RTN3: variants seen among roughly 807,000 people sequenced by gnomAD.
RTN3 encodes reticulon 3.
RTN3 carries 49 observed loss-of-function variants against 77.8 expected under a neutral mutation model. That is an observed-to-expected ratio of 0.63 (90% CI 0.50 to 0.80). The LOEUF is 0.80. Ranked by LOEUF, RTN3 falls within the 30% of genes least tolerant of loss-of-function variation. The pLI, the probability that RTN3 is intolerant of heterozygous loss-of-function variation, is 0.00. For missense variants in RTN3, 1,236 were observed against 1,211.9 expected (o/e 1.02, Z -0.29); for synonymous variants, 464 against 446.9 (o/e 1.04, Z -0.48).
In RTN3 at chr11:63,718,968, C is replaced by G. The variant is rs369715649; in HGVS notation, c.466C>G (p.Pro156Ala). The G allele has an allele frequency of 1.2e-5, 19 of 1,614,044 alleles. No individual in the cohort carries two copies. The highest frequency in any genetic ancestry group is 1.6e-5 in the Non-Finnish European group (19 of 1,180,036). ...TGCAGCAGGAGTTCATTGTGACCGT[C>G]CTTCTATTCCAGCCAGTTTCCCAGA... ...SLAAGVHCDRPSIPASFPEHP... is the reference protein window; with the variant it reads ...SLAAGVHCDRASIPASFPEHP... The change falls in exon 3 of 9, where the codon CCT becomes GCT. Residue 156 changes from proline to alanine, a missense_variant. Pro to Ala is a conservative substitution (Grantham distance 27). Around this residue, in one of 3 missense-constraint regions of RTN3, gnomAD observed 1,056 missense variants for 990.4 expected, o/e 1.07. Transcript: ENST00000377819.
At chr11:63,694,342 A>C (rs1438643643) in intron 1 of RTN3, among the ~76,000 whole-genome samples, 2 of 151,586 alleles carry the variant, frequency 1.3e-5, no homozygotes, top group African/African-American at 4.8e-5. Flanking sequence ...ACGTCCGGCT[A>C]ATTTTGTATT....
At chr11:63,748,390 C>A (rs2013917132) in intron 3 of RTN3, among the ~76,000 whole-genome samples, 1 of 150,932 alleles carries the variant, frequency 6.6e-6, no homozygotes, top group Non-Finnish European at 1.5e-5. Flanking sequence ...TTCTGTCACC[C>A]AGGCTGGAGT....
chr11:63,743,561 A>T (rs1240533888), intron 3 of RTN3, among the ~76,000 whole-genome samples: 1 of 152,166 alleles, frequency 6.6e-6, no homozygotes, highest in Admixed American at 6.6e-5. Context: ...CTCAGTCATG[A>T]TGTAGTATTG....
chr11:63,752,406 A>G (rs2135054916), intron 4 of RTN3, 101 bp from the exon 5 acceptor site: 2 of 1,148,324 alleles, frequency 1.7e-6, no homozygotes, highest in South Asian at 2.8e-5. Context: ...TACAGGTTCT[A>G]ACATGCACCC....
At chr11:63,713,198 G>A (rs1294003611) in intron 2 of RTN3, among the ~76,000 whole-genome samples, 1 of 152,184 alleles carries the variant, frequency 6.6e-6, no homozygotes, top group Non-Finnish European at 1.5e-5. Flanking sequence ...ATATATCTCA[G>A]TGGAGTATTT....
intron 1 of RTN3, among the ~76,000 whole-genome samples, chr11:63,698,281 T>C (rs1184084590): frequency 6.6e-6 from 1 of 152,112 alleles, no homozygotes; most frequent in East Asian, 1.9e-4. Context: ...CAAGCCAGCA[T>C]GCCTGGTTAA....
chr11:63,706,416 CCTCAGCCAGTCTGG>C (rs1374102337), intron 2 of RTN3, among the ~76,000 whole-genome samples: 2 of 152,124 alleles, frequency 1.3e-5, no homozygotes, highest in East Asian at 1.9e-4. Flanking sequence ...GTCTCGAACT[CCTCAGCCAGTCTGG>C]CTCAGCCAGT....
chr11:63,690,453 A>G (rs946900374), intron 1 of RTN3, among the ~76,000 whole-genome samples: 1 of 152,194 alleles, frequency 6.6e-6, no homozygotes, highest in Non-Finnish European at 1.5e-5. Flanking sequence ...TCATTCCTCT[A>G]GAGGCCATAT....
Position 63,735,569 on chromosome 11 carries a change from T to TCTCTCTCC in RTN3, c.2531-14415_2531-14414insCCTCTCTC, listed in dbSNP as rs1468886228. ...TAACATTTCTCTCTCTCTCTCTCTC[T>TCTCTCTCC]CTCTCTCTCTCTCTCTCTCTCTCTC... On this transcript the variant is annotated intron_variant, in intron 3 of 8. Transcript: ENST00000377819. Among the ~76,000 whole-genome samples, 7 of 144,982 alleles carry TCTCTCTCC rather than the reference T, an allele frequency of 4.8e-5. No homozygotes were observed. The South Asian group carries it at 7.0e-4, about 14-fold the overall frequency.
At chr11:63,703,417 G>A (rs188591897) in intron 1 of RTN3, among the ~76,000 whole-genome samples, 31 of 152,130 alleles carry the variant, frequency 2.0e-4, no homozygotes, top group African/African-American at 6.0e-4. Context: ...TTTAGGGGCC[G>A]TGCTAGTCTT....
intron 4 of RTN3, among the ~76,000 whole-genome samples, chr11:63,751,452 G>T (rs1031143819): frequency 2.0e-5 from 3 of 152,118 alleles, no homozygotes; most frequent in Non-Finnish European, 2.9e-5. Flanking sequence ...TAGCTTTTTT[G>T]ATTGTGCTGT....
intron 2 of RTN3, among the ~76,000 whole-genome samples, chr11:63,709,872 G>A (rs567130089): frequency 5.3e-5 from 8 of 152,232 alleles, no homozygotes; most frequent in South Asian, 4.1e-4. Flanking sequence ...CTTCACTGAT[G>A]TATATAGTTA....
chr11:63,684,129 G>GTTTTTTTTTTTTTT (rs61663789), intron 1 of RTN3, among the ~76,000 whole-genome samples: 34 of 85,278 alleles, frequency 4.0e-4, no homozygotes, highest in African/African-American at 1.4e-3. Context: ...TTTTCTTTTG[G>GTTTTTTTTTTTTTT]TTTTTTTTTT....
rs542998 is a variant in RTN3 at position 63,719,914 on chromosome 11, T to C, written c.1412T>C (p.Val471Ala). Residue 471 changes from valine to alanine, a missense_variant, in exon 3 of 9, where the codon GTT (valine) becomes GCT (alanine). By Grantham distance (64) the Val-to-Ala change is moderately conservative (BLOSUM62 0). This residue lies in a region of RTN3 where 1,056 missense variants were observed against 990.4 expected (regional missense o/e 1.07). Coordinates refer to ENST00000377819, the MANE Select transcript of RTN3 (RefSeq NM_001265589.2). ...LGSGVATVKV[V>A]LPDDHLKDEM... Reference sequence around the variant, plus strand: ...TCTGGAGTGGCCACAGTGAAAGTGGTTTTACCTGATGACCACCTGAAAGAT... The same window carrying C: ...TCTGGAGTGGCCACAGTGAAAGTGGCTTTACCTGATGACCACCTGAAAGAT... 0.79 allele frequency: 1,282,583 copies of C among 1,613,932 alleles called. 516,213 individuals are homozygous for C. Among genetic ancestry groups the C allele is most frequent in the East Asian group, 0.99 (44,371 of 44,880 alleles).
chr11:63,719,339 T>C lies in RTN3; in HGVS notation c.837T>C (p.Thr279=). The change falls in exon 3 of 9, where the codon ACT becomes ACC. Residue 279 remains threonine (T), a synonymous_variant. Coordinates refer to ENST00000377819, the MANE Select transcript of RTN3 (RefSeq NM_001265589.2). ...ATTTTGGTAGCTGGTCTGTGCACAC[T>C]GATAAAGAATCATCCGAAGACATTT... is the stretch of plus-strand genomic sequence containing the variant. ...TDDFGSWSVH[T]DKESSEDISE... is the part of the protein sequence containing the mutation. 2 of 1,614,198 alleles carry C rather than the reference T, an allele frequency of 1.2e-6. No individual in the cohort carries two copies. Among genetic ancestry groups the C allele is most frequent in the Non-Finnish European group, 8.5e-7 (1 of 1,180,028 alleles).
At chr11:63,749,653 G>T (rs759121733) in intron 3 of RTN3, among the ~76,000 whole-genome samples, 7 of 152,134 alleles carry the variant, frequency 4.6e-5, no homozygotes, top group Non-Finnish European at 8.8e-5. Context: ...ATCCTATCCT[G>T]AAACCTAATC....
chr11:63,721,338 G>A (rs1253834583), intron 3 of RTN3, among the ~76,000 whole-genome samples: 2 of 152,144 alleles, frequency 1.3e-5, no homozygotes, highest in African/African-American at 4.8e-5. Flanking sequence ...ACTTTGGGAG[G>A]CCGAGACGGG....
At chr11:63,724,517 A>G (rs1490423386) in intron 3 of RTN3, among the ~76,000 whole-genome samples, 1 of 111,086 alleles carries the variant, frequency 9.0e-6, no homozygotes, top group African/African-American at 3.6e-5. Flanking sequence ...TTAAAGACAG[A>G]GTCTCACCGT....
At chr11:63,702,561 G>A (rs1942293463) in intron 1 of RTN3, among the ~76,000 whole-genome samples, 1 of 151,894 alleles carries the variant, frequency 6.6e-6, no homozygotes, top group Non-Finnish European at 1.5e-5. Flanking sequence ...TGATCCATCT[G>A]CCTCCACCTC....
Sources: gnomAD v4.1 joint callset for allele counts (sites outside exome capture counted in the v4.1 genomes callset) on GRCh38, gnomAD v4.1.1 for gene constraint, gnomAD v4.1.1 regional missense constraint, MANE v1.5 for transcripts, NCBI Gene and HGNC (gene_info 2026-07-23, HGNC 2026-07-21) for gene names.